MLLT11: variants seen among roughly 807,000 people sequenced by gnomAD.
MLLT11 encodes protein AF1q.
In MLLT11, 1 loss-of-function variant was observed where a neutral mutation model predicts 5.3. The ratio of observed to expected loss-of-function variants is 0.19; its 90% confidence interval spans 0.07 to 0.89. The LOEUF (loss-of-function observed/expected upper bound fraction) is 0.89. MLLT11 is among the 40% of genes least tolerant of loss of function. MLLT11 has a pLI of 0.67. For synonymous variants in MLLT11, 38 were observed against 41.7 expected, an observed-to-expected ratio of 0.91 and a Z score of 0.34; for missense variants, 87 against 107.3, an observed-to-expected ratio of 0.81 and a Z score of 0.83.
In MLLT11 at chr1:151,068,451, G is replaced by A. The variant is rs587730063; in HGVS notation, c.*954G>A. The A allele has an allele frequency of 2.9e-4, 64 of 223,898 alleles. No individual in the cohort carries two copies. Among genetic ancestry groups the A allele is most frequent in the African/African-American group, 1.3e-3 (57 of 44,122 alleles). 13.9% of individuals were successfully genotyped at this position (223,898 alleles called of 1,614,324 possible). ...CTTCCAAAAATATTGATGGTGATTT[G>A]TGCTACCATTTACTCGTTTATTTAA... On this transcript the variant is annotated 3_prime_UTR_variant, in exon 2 of 2. Transcript: ENST00000368921.
intron 1 of MLLT11, among the ~76,000 whole-genome samples, chr1:151,063,658 C>A (rs987974073): frequency 6.6e-6 from 1 of 152,214 alleles, no homozygotes; most frequent in African/African-American, 2.4e-5. Flanking sequence ...ATCTCCTGAC[C>A]TCGTGATCCA....
intron 1 of MLLT11, among the ~76,000 whole-genome samples, chr1:151,061,256 G>C (rs769803690): frequency 3.5e-4 from 54 of 152,254 alleles, no homozygotes; most frequent in African/African-American, 1.2e-3. Flanking sequence ...CACATTATGA[G>C]ATGTCAGAGA....
chr1:151,065,231 T>C (rs77152346), intron 1 of MLLT11, among the ~76,000 whole-genome samples: 16,680 of 152,204 alleles, frequency 0.11, 1,270 homozygotes, highest in Non-Finnish European at 0.17. Flanking sequence ...CATGCATGTG[T>C]TTCTTGAATG....
At chr1:151,065,512 T>C (rs989011401) in intron 1 of MLLT11, among the ~76,000 whole-genome samples, 2 of 152,172 alleles carry the variant, frequency 1.3e-5, no homozygotes, top group African/African-American at 4.8e-5. Flanking sequence ...GCCATCCCTA[T>C]ACATAAAATA....
At position 151,067,282 on chromosome 1, in the gene MLLT11, C is replaced by T. The variant is rs1468165054; in HGVS notation, c.58C>T (p.Pro20Ser). The T allele has an allele frequency of 6.2e-7, 1 of 1,614,064 alleles. No individual in the cohort carries two copies. Among genetic ancestry groups the T allele is most frequent in the East Asian group, 2.2e-5 (1 of 44,872 alleles). Residue 20 changes from proline (P) to serine (S), a missense_variant, in exon 2 of 2, where the codon CCA becomes TCA. Transcript: ENST00000368921. ...SSFLFWRMPI[P>S]ELDLSELEGL... The stretch of plus-strand genomic sequence containing the variant: ...CTTTCTTTTCTGGAGGATGCCCATC[C>T]CAGAACTGGATCTGTCGGAGCTGGA...
At position 151,069,261 on chromosome 1, in the gene MLLT11, T is replaced by A. The variant is rs1227929582; in HGVS notation, c.*1764T>A. ...AAATACCAATATGGATAGGACAGAA[T>A]TGGGCAGTGTACTATAAATAAGGAT... On this transcript the variant is annotated 3_prime_UTR_variant, in exon 2 of 2. Coordinates refer to ENST00000368921, the MANE Select transcript of MLLT11 (RefSeq NM_006818.4). 6.6e-6 allele frequency among the ~76,000 whole-genome samples: 1 copy of A among 152,130 alleles called. No individual in the cohort carries two copies. The highest frequency in any genetic ancestry group is 2.4e-5 in the African/African-American group (1 of 41,426).
chr1:151,060,579 G>C (rs1676388992), intron 1 of MLLT11, 26 bp downstream of exon 1: 1 of 152,244 alleles, frequency 6.6e-6, no homozygotes, highest in Non-Finnish European at 1.5e-5. Flanking sequence ...GGAGGGGGCA[G>C]GGGGCTGCAA....
intron 1 of MLLT11, among the ~76,000 whole-genome samples, chr1:151,064,111 T>G (rs1049274246): frequency 8.5e-5 from 13 of 152,054 alleles, no homozygotes; most frequent in African/African-American, 3.1e-4. Flanking sequence ...AACCTCCACC[T>G]CCCAGGTTCA....
Position 151,067,669 on chromosome 1 carries a change from T to C in MLLT11, c.*172T>C. On this transcript the variant is annotated 3_prime_UTR_variant, in exon 2 of 2. Coordinates refer to ENST00000368921, the MANE Select transcript of MLLT11 (RefSeq NM_006818.4). The stretch of plus-strand genomic sequence containing the variant: ...TTATTTATCTATCTGTCTACTCCAT[T>C]TCTCTCAAAAGCCCTCAAGTCACAA... The C allele has an allele frequency of 1.3e-6, 1 of 758,444 alleles. No homozygotes were observed. 47.0% of individuals were successfully genotyped at this position (758,444 alleles called of 1,614,324 possible).
chr1:151,065,383 T>G (rs1676461664), intron 1 of MLLT11, among the ~76,000 whole-genome samples: 1 of 152,246 alleles, frequency 6.6e-6, no homozygotes, highest in South Asian at 2.1e-4. Context: ...TTGAGCAGTT[T>G]TTTATTCATA....
At chr1:151,064,350 C>T (rs1286807315) in intron 1 of MLLT11, among the ~76,000 whole-genome samples, 1 of 152,110 alleles carries the variant, frequency 6.6e-6, no homozygotes. Context: ...AGGTTTTGTT[C>T]TGAAGGAGAG....
intron 1 of MLLT11, 63 bp from the exon 2 acceptor site, chr1:151,067,156 G>T: frequency 6.9e-7 from 1 of 1,450,630 alleles, no homozygotes; most frequent in Non-Finnish European, 9.5e-7. Flanking sequence ...TCTAAGCAAG[G>T]AAAGGCCATG....
At chr1:151,060,765 C>T (rs986901266) in intron 1 of MLLT11, among the ~76,000 whole-genome samples, 1 of 152,218 alleles carries the variant, frequency 6.6e-6, no homozygotes, top group Non-Finnish European at 1.5e-5. Context: ...AGTTATTTCT[C>T]AGCACCTACC....
At chr1:151,066,131 A>G (rs1676473835) in intron 1 of MLLT11, among the ~76,000 whole-genome samples, 1 of 152,062 alleles carries the variant, frequency 6.6e-6, no homozygotes, top group Admixed American at 6.6e-5. Context: ...TGAGCCACTG[A>G]GCTCTTGAAT....
At chr1:151,065,847 CTTTT>C (rs1676469039) in intron 1 of MLLT11, among the ~76,000 whole-genome samples, 1 of 151,912 alleles carries the variant, frequency 6.6e-6, no homozygotes, top group Non-Finnish European at 1.5e-5. Context: ...TTTGTTTTGT[CTTTT>C]TGTTTTTTGA....
intron 1 of MLLT11, among the ~76,000 whole-genome samples, chr1:151,063,101 A>G (rs1676428806): frequency 6.6e-6 from 1 of 152,188 alleles, no homozygotes; most frequent in Non-Finnish European, 1.5e-5. Flanking sequence ...TAAGAAAAAG[A>G]ACAACTCAGA....
chr1:151,060,682 G>A (rs1324873498), intron 1 of MLLT11, 129 bp downstream of exon 1: 3 of 152,144 alleles, frequency 2.0e-5, no homozygotes, highest in Non-Finnish European at 4.4e-5. Flanking sequence ...TATGAACAAT[G>A]GGTAGTTATT....
rs1005591200 is a variant in MLLT11 at position 151,068,097 on chromosome 1, A to G, written c.*600A>G. 14 of 240,454 alleles carry G rather than the reference A, an allele frequency of 5.8e-5. No individual in the cohort carries two copies. The highest frequency in any genetic ancestry group is 2.9e-4 in the African/African-American group (13 of 45,032). The allele number at this position is 240,454 out of a possible 1,614,324, so 14.9% of individuals were successfully genotyped here. ...AGGAGGAAATATTATGGAAAATGAA[A>G]ATAGGGAAAATAATTGAATCATTTT... On this transcript the variant is annotated 3_prime_UTR_variant, in exon 2 of 2. Transcript: ENST00000368921.
Position 151,068,046 on chromosome 1 carries a change from C to G in MLLT11, c.*549C>G, listed in dbSNP as rs1192037788. 2 of 241,314 alleles carry G rather than the reference C, an allele frequency of 8.3e-6. No individual in the cohort carries two copies. Among genetic ancestry groups the G allele is most frequent in the Non-Finnish European group, 1.8e-5 (2 of 114,212 alleles). The allele number at this position is 241,314 out of a possible 1,614,324, so 14.9% of individuals were successfully genotyped here. A position where few individuals can be genotyped will look rare whatever the true frequency, so the allele number is the denominator to read the frequency against. On this transcript the variant is annotated 3_prime_UTR_variant, in exon 2 of 2. Transcript: ENST00000368921. Reference sequence around the variant, plus strand: ...TATTCTTTTTTTTCCTCAGAGAAATCAGGAGGGTAGTTAGAGGTATAAAAC... The same window carrying G: ...TATTCTTTTTTTTCCTCAGAGAAATGAGGAGGGTAGTTAGAGGTATAAAAC...
Sources: gnomAD v4.1 joint callset for allele counts (sites outside exome capture counted in the v4.1 genomes callset) on GRCh38, gnomAD v4.1.1 for gene constraint, MANE v1.5 for transcripts, NCBI Gene and HGNC (gene_info 2026-07-23, HGNC 2026-07-21) for gene names.